RASA4B: variants seen among roughly 807,000 people sequenced by gnomAD.
The protein encoded by RASA4B is ras GTPase-activating protein 4B.
A neutral mutation model predicts 24.2 loss-of-function variants in RASA4B; 2 were observed. The observed-to-expected ratio is 0.08, with a 90% CI of 0.03 to 0.26. The LOEUF is 0.26. Among genes scored for constraint, RASA4B ranks in the 10% least tolerant of loss-of-function variants. The pLI, the probability that RASA4B is intolerant of heterozygous loss-of-function variation, is 1.00. For synonymous variants in RASA4B, 2 were observed against 125.6 expected (o/e 0.02, Z 6.58); for missense variants, 8 against 277.2 (o/e 0.03, Z 6.90).
chr7:102,499,245 GTTC>G (rs1799292166), intron 8 of RASA4B, among the ~76,000 whole-genome samples: 1 of 102,826 alleles, frequency 9.7e-6, no homozygotes, highest in African/African-American at 2.8e-5. Flanking sequence ...TTAACTGGGT[GTTC>G]TTTTTTTTTT....
chr7:102,512,866 G>A (rs1454279139), intron 1 of RASA4B, among the ~76,000 whole-genome samples: 3 of 149,194 alleles, frequency 2.0e-5, no homozygotes, highest in Non-Finnish European at 4.5e-5. Flanking sequence ...CTGAGGGAGG[G>A]GGTGAGAGGG....
At chr7:102,506,493 T>A (rs1799513707) in intron 5 of RASA4B, among the ~76,000 whole-genome samples, 1 of 150,132 alleles carries the variant, frequency 6.7e-6, no homozygotes, top group Non-Finnish European at 1.5e-5. Context: ...GTGAACCACC[T>A]GCCTCGGCCT....
rs1194198528 is a variant in RASA4B, at chr7:102,480,261, G to A, written c.*3331C>T. Among the ~76,000 whole-genome samples the A allele has an allele frequency of 1.3e-5, 2 of 152,200 alleles. No homozygotes were observed. The highest frequency in any genetic ancestry group is 4.8e-5 in the African/African-American group (2 of 41,470). ...CCGCTACTTAGCAGACCAGGAAAGG[G>A]AGTGTACAGTGAGATCAGGATGAGG... On this transcript the variant is annotated 3_prime_UTR_variant, in exon 21 of 21. Coordinates refer to ENST00000465829, the MANE Select transcript of RASA4B (RefSeq NM_001367767.2).
rs879492784 is a variant in RASA4B, at chr7:102,489,595, C to G, written c.1969-997G>C. On this transcript the variant is annotated intron_variant, in intron 17 of 20. Transcript: ENST00000465829. ...GCAACCTCCACCTCCCAGGTTCAAG[C>G]GATTCTCCTGCCTCAGCCCCCCAAG... 2.8e-5 allele frequency among the ~76,000 whole-genome samples: 4 copies of G among 144,668 alleles called. No homozygotes were observed. The East Asian group carries it at 6.8e-4, about 25-fold the overall frequency. 94.9% of individuals were successfully genotyped at this position (144,668 alleles called of 152,430 possible). A position where few individuals can be genotyped will look rare whatever the true frequency, so the allele number is the denominator to read the frequency against.
intron 14 of RASA4B, 63 bp from the exon 15 acceptor site, chr7:102,494,032 T>TG: frequency 7.6e-6 from 1 of 132,338 alleles, no homozygotes; most frequent in South Asian, 5.2e-5. Flanking sequence ...CTGCACCCCC[T>TG]CCCACCCCCC....
intron 8 of RASA4B, among the ~76,000 whole-genome samples, 166 bp from the exon 9 acceptor site, chr7:102,497,130 C>A (rs1799176147): frequency 6.8e-6 from 1 of 147,126 alleles, no homozygotes; most frequent in Admixed American, 6.8e-5. Flanking sequence ...TCTGCCCGGG[C>A]TATTTATTTT....
chr7:102,490,090 T>C (rs1798873650), intron 17 of RASA4B, among the ~76,000 whole-genome samples: 1 of 40,886 alleles, frequency 2.4e-5, no homozygotes, highest in Non-Finnish European at 4.7e-5. Context: ...AACATGTATT[T>C]ATTGGCCCAT....
At chr7:102,503,832 C>T (rs1194491314) in intron 5 of RASA4B, among the ~76,000 whole-genome samples, 1 of 60,012 alleles carries the variant, frequency 1.7e-5, no homozygotes, top group African/African-American at 3.9e-5. Context: ...GACGGAGTCT[C>T]GCTCTGTCGC....
At chr7:102,490,761 A>T (rs1424119325) in intron 17 of RASA4B, among the ~76,000 whole-genome samples, 4 of 151,208 alleles carry the variant, frequency 2.6e-5, no homozygotes, top group Non-Finnish European at 5.9e-5. Flanking sequence ...GGCCACTCCC[A>T]TAGCACCCAG....
intron 17 of RASA4B, among the ~76,000 whole-genome samples, chr7:102,489,585 C>T (rs1417454376): frequency 6.8e-6 from 1 of 147,426 alleles, no homozygotes; most frequent in Non-Finnish European, 1.5e-5. Flanking sequence ...CTCCACCTCC[C>T]AGGTTCAAGC....
At chr7:102,492,676 T>C (rs1440063607) in intron 16 of RASA4B, among the ~76,000 whole-genome samples, 1 of 144,786 alleles carries the variant, frequency 6.9e-6, no homozygotes, top group Admixed American at 7.0e-5. Context: ...CATTTTTTTT[T>C]TTTTTTGAGA....
At chr7:102,489,641 C>T (rs1440790866) in intron 17 of RASA4B, among the ~76,000 whole-genome samples, 23 of 149,470 alleles carry the variant, frequency 1.5e-4, no homozygotes, top group African/African-American at 2.2e-4. Context: ...TACAGGCACC[C>T]ACCACCACAC....
chr7:102,492,013 G>A (rs1252484718), intron 16 of RASA4B, among the ~76,000 whole-genome samples: 1 of 22,748 alleles, frequency 4.4e-5, no homozygotes, highest in Non-Finnish European at 1.4e-4. Flanking sequence ...CCAGCTACTC[G>A]GGAGGCTGAG....
intron 17 of RASA4B, among the ~76,000 whole-genome samples, 191 bp downstream of exon 17, chr7:102,490,784 GCACCCAGGGCA>G: frequency 3.8e-5 from 1 of 26,390 alleles, no homozygotes; most frequent in South Asian, 1.0e-3. Flanking sequence ...CATTCCCACA[GCACCCAGGGCA>G]TTCCCATAGC....
At chr7:102,512,764 GTAA>G (rs1799736675) in intron 1 of RASA4B, among the ~76,000 whole-genome samples, 1 of 138,946 alleles carries the variant, frequency 7.2e-6, no homozygotes, top group African/African-American at 2.5e-5. Context: ...AGGGAGGAGA[GTAA>G]GAGGGAGGGG....
At chr7:102,492,375 A>C (rs1209744086) in intron 16 of RASA4B, among the ~76,000 whole-genome samples, 1 of 45,548 alleles carries the variant, frequency 2.2e-5, no homozygotes, top group African/African-American at 4.4e-5. Context: ...TCCTGGGAGA[A>C]GAGAGCTTGC....
At chr7:102,500,500 A>G (rs1799327930) in intron 8 of RASA4B, among the ~76,000 whole-genome samples, 199 bp downstream of exon 8, 2 of 143,340 alleles carry the variant, frequency 1.4e-5, no homozygotes, top group Non-Finnish European at 3.1e-5. Context: ...ATAAATAAAT[A>G]ATAAATAAAG....
At chr7:102,498,238 T>C (rs1799231876) in intron 8 of RASA4B, among the ~76,000 whole-genome samples, 1 of 149,428 alleles carries the variant, frequency 6.7e-6, no homozygotes, top group African/African-American at 2.4e-5. Context: ...TCTCAAATAG[T>C]GCATGGTCAT....
At chr7:102,493,672 G>A (rs1291432221) in intron 15 of RASA4B, among the ~76,000 whole-genome samples, 153 bp downstream of exon 15, 1 of 45,690 alleles carries the variant, frequency 2.2e-5, no homozygotes, top group African/African-American at 3.6e-5. Context: ...AGTGGTGCGT[G>A]GGTCTATGGC....
Sources: allele counts gnomAD v4.1 joint callset (sites outside exome capture counted in the v4.1 genomes callset), GRCh38; gene constraint gnomAD v4.1.1; transcripts MANE v1.5; gene names NCBI Gene and HGNC (gene_info 2026-07-23, HGNC 2026-07-21).